Variants in PTPRD observed in about 807,000 individuals in gnomAD.
PTPRD encodes the protein receptor-type tyrosine-protein phosphatase delta.
Under a neutral mutation model 214.5 loss-of-function variants are expected in PTPRD, and 34 were observed. That is an observed-to-expected ratio of 0.16 (90% CI 0.12 to 0.21). The LOEUF (loss-of-function observed/expected upper bound fraction) is 0.21, where lower values mean the gene tolerates loss of function less well. Ranked by LOEUF, PTPRD falls within the 10% of genes least tolerant of loss-of-function variation. The pLI, the probability that PTPRD is intolerant of heterozygous loss-of-function variation, is 1.00. For missense variants in PTPRD, 2,545 were observed against 2,398.7 expected (o/e 1.06, Z -1.27); for synonymous variants, 1,128 against 845.7 (o/e 1.33, Z -5.79).
intron 11 of PTPRD, among the ~76,000 whole-genome samples, chr9:9,018,405 T>A (rs971108335): frequency 1.3e-5 from 2 of 152,162 alleles, no homozygotes; most frequent in African/African-American, 2.4e-5. Context: ...GTGTATTTGC[T>A]CTTCCACATA....
intron 2 of PTPRD, among the ~76,000 whole-genome samples, chr9:10,502,768 A>T (rs1044905860): frequency 2.6e-5 from 4 of 152,090 alleles, no homozygotes; most frequent in African/African-American, 9.6e-5. Context: ...CAAAGAAACC[A>T]GTTGACCCAT....
chr9:9,222,418 A>G (rs1210559524), intron 9 of PTPRD, among the ~76,000 whole-genome samples: 1 of 152,092 alleles, frequency 6.6e-6, no homozygotes, highest in African/African-American at 2.4e-5. Context: ...GGAGTGCGAC[A>G]TTACTTATAA....
chr9:10,077,545 G>C (rs1251844876), intron 3 of PTPRD, among the ~76,000 whole-genome samples: 1 of 152,082 alleles, frequency 6.6e-6, no homozygotes, highest in Non-Finnish European at 1.5e-5. Flanking sequence ...TTATTATACA[G>C]ATAAGTTGCA....
At chr9:9,790,335 C>T (rs2098958602) in intron 5 of PTPRD, among the ~76,000 whole-genome samples, 2 of 152,126 alleles carry the variant, frequency 1.3e-5, no homozygotes, top group South Asian at 4.1e-4. Flanking sequence ...CGCTGAAAGC[C>T]ACCTTCCCCA....
At chr9:8,707,374 C>T (rs948336930) in intron 12 of PTPRD, among the ~76,000 whole-genome samples, 4 of 152,200 alleles carry the variant, frequency 2.6e-5, no homozygotes, top group African/African-American at 9.7e-5. Flanking sequence ...GGACCAAAGA[C>T]AGGAACATGC....
intron 12 of PTPRD, among the ~76,000 whole-genome samples, chr9:8,647,796 T>C (rs1291630591): frequency 2.6e-5 from 4 of 152,206 alleles, no homozygotes; most frequent in Admixed American, 2.6e-4. Flanking sequence ...ACTTAATACT[T>C]TATCATTGGC....
intron 2 of PTPRD, among the ~76,000 whole-genome samples, chr9:10,477,735 G>C (rs1171007123): frequency 6.6e-6 from 1 of 152,046 alleles, no homozygotes; most frequent in African/African-American, 2.4e-5. Flanking sequence ...CAACCCAAAT[G>C]CCCATCAGTG....
At chr9:9,833,418 G>A (rs1434261404) in intron 5 of PTPRD, among the ~76,000 whole-genome samples, 1 of 151,858 alleles carries the variant, frequency 6.6e-6, no homozygotes, top group African/African-American at 2.4e-5. Flanking sequence ...ACTTAACAGG[G>A]TAATAGAATA....
intron 5 of PTPRD, among the ~76,000 whole-genome samples, chr9:9,827,062 A>C (rs1393980679): frequency 2.6e-5 from 4 of 152,188 alleles, no homozygotes; most frequent in Non-Finnish European, 4.4e-5. Context: ...CAATATCGTG[A>C]AAATGGCCAT....
intron 10 of PTPRD, among the ~76,000 whole-genome samples, chr9:9,068,742 G>T (rs2099739230): frequency 6.6e-6 from 1 of 152,028 alleles, no homozygotes; most frequent in African/African-American, 2.4e-5. Context: ...CTCCCTAGTA[G>T]CTGGGATTAC....
chr9:10,385,031 T>C (rs767104465), intron 2 of PTPRD, among the ~76,000 whole-genome samples: 1 of 151,950 alleles, frequency 6.6e-6, no homozygotes, highest in Non-Finnish European at 1.5e-5. Flanking sequence ...TTCCTCCATC[T>C]GTATCTCTCA....
At chr9:9,338,616 T>C (rs2045540729) in intron 9 of PTPRD, among the ~76,000 whole-genome samples, 1 of 152,198 alleles carries the variant, frequency 6.6e-6, no homozygotes. Flanking sequence ...TTCCAAGCTC[T>C]TCAGCATTTA....
intron 8 of PTPRD, among the ~76,000 whole-genome samples, chr9:9,524,606 A>G (rs2073576125): frequency 6.6e-6 from 1 of 152,190 alleles, no homozygotes; most frequent in African/African-American, 2.4e-5. Context: ...TTGTTCCTCA[A>G]GATTCCTAGA....
chr9:10,536,466 T>C (rs962730725), intron 2 of PTPRD, among the ~76,000 whole-genome samples: 2 of 152,152 alleles, frequency 1.3e-5, no homozygotes, highest in Admixed American at 1.3e-4. Context: ...CATACATTTA[T>C]TATTTTCATG....
chr9:10,500,816 A>C (rs73644474), intron 2 of PTPRD, among the ~76,000 whole-genome samples: 15,934 of 151,798 alleles, frequency 0.1, 1,420 homozygotes, highest in African/African-American at 0.24. Flanking sequence ...CTTTTTGTGC[A>C]TAGCTTATTT....
At chr9:10,434,718 T>G (rs1437262978) in intron 2 of PTPRD, among the ~76,000 whole-genome samples, 1 of 151,976 alleles carries the variant, frequency 6.6e-6, no homozygotes, top group Non-Finnish European at 1.5e-5. Flanking sequence ...ACTGTTGCTA[T>G]TGGTGGAGAA....
At position 8,486,297 on chromosome 9, in the gene PTPRD, A is replaced by T; in HGVS notation, c.2520T>A (p.Leu840=). ...TGTCCACCGGAGGGTGCCACTGAAT[A>T]AGAGCAGTATTCATCTGAGTGTGGT... ...VINHTQMNTA[L]IQWHPPVDTF... The change falls in exon 28 of 46, where the codon CTT becomes CTA. Residue 840 remains leucine, a synonymous_variant. Coordinates refer to ENST00000381196, the MANE Select transcript of PTPRD (RefSeq NM_002839.4). The T allele has an allele frequency of 6.2e-7, 1 of 1,614,176 alleles. No individual in the cohort carries two copies. The highest frequency in any genetic ancestry group is 8.5e-7 in the Non-Finnish European group (1 of 1,180,016).
At chr9:9,514,072 A>T (rs1412700692) in intron 8 of PTPRD, among the ~76,000 whole-genome samples, 4 of 152,076 alleles carry the variant, frequency 2.6e-5, no homozygotes, top group African/African-American at 4.8e-5. Flanking sequence ...CAAAGCAAAA[A>T]GTCCCTTGTT....
At chr9:9,215,188 G>T (rs2099951356) in intron 9 of PTPRD, among the ~76,000 whole-genome samples, 1 of 152,146 alleles carries the variant, frequency 6.6e-6, no homozygotes, top group African/African-American at 2.4e-5. Flanking sequence ...TCATCTGCTG[G>T]TGGGAAATGT....
Sources: gnomAD v4.1 joint callset for allele counts (sites outside exome capture counted in the v4.1 genomes callset) on GRCh38, gnomAD v4.1.1 for gene constraint, MANE v1.5 for transcripts, NCBI Gene and HGNC (gene_info 2026-07-23, HGNC 2026-07-21) for gene names.